DCX: variants seen among roughly 807,000 people sequenced by gnomAD.
DCX encodes the protein doublecortin.
A neutral mutation model predicts 20.9 loss-of-function variants in DCX; 4 were observed. The ratio of observed to expected loss-of-function variants is 0.19; its 90% confidence interval spans 0.09 to 0.44. DCX has a LOEUF of 0.44. DCX is among the 20% of genes least tolerant of loss of function. The pLI is 0.99. For synonymous variants in DCX, 103 were observed against 111.4 expected (o/e 0.92, Z 0.47); for missense variants, 133 against 296.9 (o/e 0.45, Z 4.06).
At chrX:111,393,874 T>G (rs1217844776) in intron 3 of DCX, among the ~76,000 whole-genome samples, 4 of 110,511 alleles carry the variant, frequency 3.6e-5, no homozygotes, top group Non-Finnish European at 7.6e-5. Context: ...GTGAAGAAAC[T>G]GGAACTCTCA....
chrX:111,380,845 CAT>C (rs1176584809), intron 3 of DCX, among the ~76,000 whole-genome samples: 2 of 110,750 alleles, frequency 1.8e-5, no homozygotes, highest in East Asian at 5.6e-4. Context: ...ATTTTTAACA[CAT>C]GTTCATTTTT....
chrX:111,340,179 C>T (rs1922095735), intron 3 of DCX, among the ~76,000 whole-genome samples: 1 of 112,627 alleles, frequency 8.9e-6, no homozygotes, highest in African/African-American at 3.2e-5. Flanking sequence ...CCACACTTTT[C>T]CCTTGCTGGA....
In DCX at chrX:111,323,422, G is replaced by A. The variant is rs191052113; in HGVS notation, c.946+7482C>T. Reference sequence around the variant, plus strand: ...AAGAGTTCAATAAATTGTATTTTCTGTCAATATTACTACCACCACTACTAG... The same window carrying A: ...AAGAGTTCAATAAATTGTATTTTCTATCAATATTACTACCACCACTACTAG... On this transcript the variant is annotated intron_variant, in intron 5 of 6. Coordinates refer to ENST00000636035, the MANE Select transcript of DCX (RefSeq NM_001195553.2). Among the ~76,000 whole-genome samples, 391 of 110,850 alleles carry A rather than the reference G, an allele frequency of 3.5e-3. 3 individuals are homozygous for A. The highest frequency in any genetic ancestry group is 0.012 in the African/African-American group (371 of 30,551).
At chrX:111,305,334 G>T (rs1406370360) in intron 6 of DCX, among the ~76,000 whole-genome samples, 1 of 111,851 alleles carries the variant, frequency 8.9e-6, no homozygotes, top group East Asian at 2.8e-4. Flanking sequence ...ATTTTACTGT[G>T]TATATTTGAA....
intron 1 of DCX, chrX:111,410,797 T>G: frequency 8.3e-7 from 1 of 1,210,911 alleles, no homozygotes; most frequent in Non-Finnish European, 1.1e-6. Context: ...CTAAATACAT[T>G]AAAACTGGCA....
chrX:111,330,630 A>G (rs1321393502), intron 5 of DCX, among the ~76,000 whole-genome samples: 1 of 111,830 alleles, frequency 8.9e-6, no homozygotes, highest in African/African-American at 3.3e-5. Context: ...CATGATGTTG[A>G]AGATGATGAA....
chrX:111,326,004 A>C (rs2095098744), intron 5 of DCX, among the ~76,000 whole-genome samples: 1 of 111,323 alleles, frequency 9.0e-6, no homozygotes, highest in African/African-American at 3.3e-5. Flanking sequence ...TCAGAAAAGA[A>C]GGACCCTGGG....
At position 111,301,740 on chromosome X, in the gene DCX, G is replaced by A; in HGVS notation, c.1048C>T (p.Leu350=). 8.3e-7 allele frequency: 1 copy of A among 1,209,913 alleles called. No homozygotes were observed. The highest frequency in any genetic ancestry group is 1.1e-6 in the Non-Finnish European group (1 of 894,042). ...PGSLRKHKVD[L]YLPLSLDDSD... is the part of the protein sequence containing the mutation. ...TCATCCAAGGACAGAGGCAGGTACA[G>A]GTCCTATAAGAAGAGAAGAGACAAA... Residue 350 remains leucine (L), a synonymous_variant, in exon 7 of 7, where the codon CTG becomes TTG. Coordinates refer to ENST00000636035, the MANE Select transcript of DCX (RefSeq NM_001195553.2).
At chrX:111,302,221 T>C (rs2095035777) in intron 6 of DCX, among the ~76,000 whole-genome samples, 1 of 112,071 alleles carries the variant, frequency 8.9e-6, no homozygotes, top group South Asian at 3.8e-4. Context: ...ATATAACCAT[T>C]TGGGATTGGC....
chrX:111,341,654 C>G (rs1390022550), intron 3 of DCX, among the ~76,000 whole-genome samples: 3 of 111,416 alleles, frequency 2.7e-5, no homozygotes, highest in Non-Finnish European at 5.7e-5. Flanking sequence ...AGAGGTAAGC[C>G]CATCAGACTA....
At chrX:111,376,493 A>G (rs1001727164) in intron 3 of DCX, among the ~76,000 whole-genome samples, 1 of 112,142 alleles carries the variant, frequency 8.9e-6, no homozygotes, top group Admixed American at 9.5e-5. Flanking sequence ...GAATGAGGAG[A>G]ATATGCCATT....
intron 4 of DCX, 79 bp downstream of exon 4, chrX:111,332,972 A>C (rs1921389421): frequency 5.3e-6 from 4 of 750,360 alleles, no homozygotes; most frequent in Non-Finnish European, 8.2e-6. Context: ...TGTTTTCCAC[A>C]CCATACAAAC....
chrX:111,388,370 G>A (rs767745233), intron 3 of DCX, among the ~76,000 whole-genome samples: 43 of 112,037 alleles, frequency 3.8e-4, no homozygotes, highest in South Asian at 1.5e-3. Context: ...CTATCAAAAT[G>A]CAGTGGTGCC....
At chrX:111,396,282 T>C (rs1254025515) in intron 3 of DCX, among the ~76,000 whole-genome samples, 2 of 112,305 alleles carry the variant, frequency 1.8e-5, no homozygotes, top group Non-Finnish European at 3.8e-5. Context: ...TAGTCGGTGC[T>C]ATAAAGGTAC....
intron 6 of DCX, among the ~76,000 whole-genome samples, chrX:111,308,513 T>C: frequency 9.0e-6 from 1 of 111,016 alleles, no homozygotes; most frequent in South Asian, 3.9e-4. Context: ...TCTCCCGTCT[T>C]TCCCACCCTC....
rs1311653649 is a variant in DCX at position 111,387,699 on chromosome X, C to CATATAA, written c.705+13285_705+13290dup. On this transcript the variant is annotated intron_variant, in intron 3 of 6. Coordinates refer to ENST00000636035, the MANE Select transcript of DCX (RefSeq NM_001195553.2). ...GTGAGTAAGACCAGAAATGTTCTGA[C>CATATAA]ATATAAATATTTATATACGACTTCA... 1.4e-4 allele frequency among the ~76,000 whole-genome samples: 16 copies of CATATAA among 111,748 alleles called. No homozygotes were observed. In the East Asian group the frequency reaches 4.5e-3, roughly 32 times the overall value.
At chrX:111,334,823 T>G (rs1216125585) in intron 3 of DCX, among the ~76,000 whole-genome samples, 1 of 112,106 alleles carries the variant, frequency 8.9e-6, no homozygotes, top group African/African-American at 3.3e-5. Flanking sequence ...CATTTCAATT[T>G]AGTGTCATGA....
intron 3 of DCX, among the ~76,000 whole-genome samples, chrX:111,344,459 G>C (rs1017163277): frequency 2.7e-5 from 3 of 111,565 alleles, no homozygotes; most frequent in Non-Finnish European, 5.6e-5. Context: ...GTATATGTTT[G>C]TAGATGACAT....
intron 2 of DCX, among the ~76,000 whole-genome samples, chrX:111,409,684 T>C (rs1928539461): frequency 8.9e-6 from 1 of 112,152 alleles, no homozygotes; most frequent in East Asian, 2.8e-4. Context: ...CCCAACCAAA[T>C]GTCCTTCCTC....
Sources: gnomAD v4.1 joint callset for allele counts (sites outside exome capture counted in the v4.1 genomes callset) on GRCh38, gnomAD v4.1.1 for gene constraint, MANE v1.5 for transcripts, NCBI Gene and HGNC (gene_info 2026-07-23, HGNC 2026-07-21) for gene names.